RPH3AL: variants seen among roughly 807,000 people sequenced by gnomAD.
RPH3AL encodes the protein rab effector Noc2.
RPH3AL carries 38 observed loss-of-function variants against 43.1 expected under a neutral mutation model. The observed-to-expected ratio is 0.88, with a 90% CI of 0.68 to 1.15. RPH3AL has a LOEUF of 1.15. Among genes scored for constraint, RPH3AL ranks in the 50% most tolerant of loss-of-function variants. The pLI is 0.00. For synonymous variants in RPH3AL, 189 were observed against 176.3 expected (o/e 1.07, Z -0.57); for missense variants, 462 against 423.2 (o/e 1.09, Z -0.81).
chr17:326,315 T>A (rs924318213), intron 3 of RPH3AL, among the ~76,000 whole-genome samples: 1 of 152,256 alleles, frequency 6.6e-6, no homozygotes, highest in Non-Finnish European at 1.5e-5. Context: ...ATGTTTCAGC[T>A]CTGTCCCCTG....
At chr17:350,061 TC>T (rs1417261458) in intron 1 of RPH3AL, among the ~76,000 whole-genome samples, 1 of 151,798 alleles carries the variant, frequency 6.6e-6, no homozygotes, top group African/African-American at 2.4e-5. Context: ...GCAATTGGAC[TC>T]TACAGCTAAC....
intron 7 of RPH3AL, among the ~76,000 whole-genome samples, chr17:240,863 G>T (rs541014543): frequency 6.6e-5 from 10 of 152,106 alleles, no homozygotes; most frequent in South Asian, 4.2e-4. Context: ...ATCGAGACCA[G>T]CCTGGCCAAC....
In RPH3AL at chr17:246,539, A is replaced by C. The variant is rs531549254; in HGVS notation, c.613+572T>G. Among the ~76,000 whole-genome samples the C allele has an allele frequency of 8.5e-5, 13 of 152,276 alleles. No homozygotes were observed. Among genetic ancestry groups the C allele is most frequent in the Admixed American group, 3.3e-4 (5 of 15,300 alleles). ...TTTGAAATAAAACCACAAACATCAA[A>C]GCATCATGAAAGCTGCGGAGAACGG... On this transcript the variant is annotated intron_variant, in intron 7 of 9. Coordinates refer to ENST00000331302, the MANE Select transcript of RPH3AL (RefSeq NM_006987.4). This position sits in a 1 kb window ranked among gnomAD's most constrained non-coding sequence, Gnocchi z 4.8.
intron 5 of RPH3AL, among the ~76,000 whole-genome samples, chr17:317,487 C>T (rs1420494716): frequency 6.7e-6 from 1 of 149,780 alleles, no homozygotes; most frequent in Non-Finnish European, 1.5e-5. Context: ...GTGCTCCACA[C>T]CTCCATTGAC....
At chr17:255,932 G>C (rs1480031409) in intron 6 of RPH3AL, among the ~76,000 whole-genome samples, 1 of 38,560 alleles carries the variant, frequency 2.6e-5, no homozygotes, top group Admixed American at 2.7e-4. Context: ...CACGGCGTCT[G>C]TCCTTTTCCA....
At chr17:307,583 C>T (rs1052582261) in intron 5 of RPH3AL, among the ~76,000 whole-genome samples, 19 of 152,190 alleles carry the variant, frequency 1.2e-4, no homozygotes, top group African/African-American at 4.1e-4. Flanking sequence ...GGGCCTGGCA[C>T]GAAGGTGAGC....
intron 6 of RPH3AL, among the ~76,000 whole-genome samples, chr17:262,428 C>A (rs1019980350): frequency 1.3e-5 from 2 of 152,148 alleles, no homozygotes; most frequent in Non-Finnish European, 2.9e-5. Flanking sequence ...GTTCGCCGGG[C>A]TGGTCTTGAA....
At chr17:242,266 TTACCTTCCTCTATTGAC>T (rs1567576159) in intron 7 of RPH3AL, among the ~76,000 whole-genome samples, 27 of 128,110 alleles carry the variant, frequency 2.1e-4, no homozygotes, top group East Asian at 1.2e-3. Flanking sequence ...CCTCTATTGA[TTACCTTCCTCTATTGAC>T]TACCTTCCTC....
intron 3 of RPH3AL, among the ~76,000 whole-genome samples, chr17:324,126 C>T (rs1187895117): frequency 1.3e-5 from 2 of 152,214 alleles, no homozygotes; most frequent in Admixed American, 1.3e-4. Context: ...AGGTGCGGAA[C>T]GTAGCTAGCT....
chr17:222,007 C>G (rs200994398), intron 7 of RPH3AL, among the ~76,000 whole-genome samples: 1,381 of 92,232 alleles, frequency 0.015, 11 homozygotes, highest in Non-Finnish European at 0.022. Flanking sequence ...CCTCCACTCA[C>G]TGAGACAATA....
intron 7 of RPH3AL, among the ~76,000 whole-genome samples, chr17:232,683 G>A (rs942790616): frequency 2.0e-5 from 3 of 152,166 alleles, no homozygotes; most frequent in Non-Finnish European, 4.4e-5. Context: ...TTGTTTGATT[G>A]TTTATTTTCT....
In RPH3AL at chr17:232,114, A is replaced by G. The variant is rs557710691; in HGVS notation, c.614-12378T>C. 8.5e-4 allele frequency among the ~76,000 whole-genome samples: 130 copies of G among 152,180 alleles called. 1 individual carries two copies. The highest frequency in any genetic ancestry group is 3.0e-3 in the African/African-American group (126 of 41,534). Reference sequence around the variant, plus strand: ...TGTGTGTGAGCTTCCGTTTCAAAACACCCGCCAAGCAAGACGTGGCCGGGC... The same window carrying G: ...TGTGTGTGAGCTTCCGTTTCAAAACGCCCGCCAAGCAAGACGTGGCCGGGC... On this transcript the variant is annotated intron_variant, in intron 7 of 9. Transcript: ENST00000331302.
chr17:266,379 G>A (rs1555548034), intron 6 of RPH3AL, among the ~76,000 whole-genome samples: 1 of 151,914 alleles, frequency 6.6e-6, no homozygotes, highest in East Asian at 1.9e-4. Context: ...CAACTCCAGT[G>A]GGAGTGCACA....
chr17:231,904 G>A (rs934345400), intron 7 of RPH3AL, among the ~76,000 whole-genome samples: 3 of 152,264 alleles, frequency 2.0e-5, no homozygotes, highest in Non-Finnish European at 4.4e-5. Flanking sequence ...CCACCTCTAA[G>A]CCAGCGAGGA....
intron 7 of RPH3AL, among the ~76,000 whole-genome samples, chr17:228,703 C>T (rs1353494933): frequency 6.6e-6 from 1 of 152,262 alleles, no homozygotes; most frequent in Non-Finnish European, 1.5e-5. Context: ...CCAGACACCC[C>T]GCTTTTCCAC....
chr17:319,187 G>A (rs767892632), intron 5 of RPH3AL, among the ~76,000 whole-genome samples: 8 of 152,162 alleles, frequency 5.3e-5, no homozygotes, highest in Non-Finnish European at 8.8e-5. Context: ...CTCGTGGCTC[G>A]GGTGTGAATC....
intron 5 of RPH3AL, among the ~76,000 whole-genome samples, chr17:318,112 G>T (rs1470496129): frequency 1.3e-5 from 2 of 152,148 alleles, no homozygotes; most frequent in African/African-American, 4.8e-5. Flanking sequence ...GCCAGGCACG[G>T]TGGCTCACGC....
intron 7 of RPH3AL, among the ~76,000 whole-genome samples, chr17:227,049 G>A (rs572609941): frequency 6.6e-6 from 1 of 152,222 alleles, no homozygotes; most frequent in Non-Finnish European, 1.5e-5. Flanking sequence ...GAGTCACCCG[G>A]GTGCCGCCGA....
At chr17:314,603 G>A (rs200024221) in intron 5 of RPH3AL, among the ~76,000 whole-genome samples, 2 of 147,240 alleles carry the variant, frequency 1.4e-5, no homozygotes, top group Non-Finnish European at 1.5e-5. Flanking sequence ...CACCTCCACT[G>A]ACCTGTAGTC....
Sources: allele counts gnomAD v4.1 joint callset (sites outside exome capture counted in the v4.1 genomes callset), GRCh38; gene constraint gnomAD v4.1.1; non-coding constraint Gnocchi (gnomAD v3.1); transcripts MANE v1.5; gene names NCBI Gene and HGNC (gene_info 2026-07-23, HGNC 2026-07-21).